Variants in FZD3 observed in about 807,000 individuals in gnomAD.
The protein encoded by FZD3 is frizzled-3.
A neutral mutation model predicts 60.7 loss-of-function variants in FZD3; 30 were observed. The observed-to-expected ratio is 0.49, with a 90% confidence interval of 0.37 to 0.67. The LOEUF (loss-of-function observed/expected upper bound fraction) is 0.67. Among genes scored for constraint, FZD3 ranks in the 30% least tolerant of loss-of-function variants. The pLI is 0.00. For synonymous variants in FZD3, 246 were observed against 275.2 expected, an observed-to-expected ratio of 0.89 and a Z score of 1.05; for missense variants, 605 against 838.7, an observed-to-expected ratio of 0.72 and a Z score of 3.44.
intron 6 of FZD3, among the ~76,000 whole-genome samples, chr8:28,553,554 GTTTTC>G (rs2130461193): frequency 6.6e-6 from 1 of 152,312 alleles, no homozygotes; most frequent in East Asian, 1.9e-4. Context: ...TAAAACTGAA[GTTTTC>G]CTTATAGAGA....
chr8:28,501,770 ATTTTTCCTGTGACTTTTT>A (rs1804000499), intron 2 of FZD3, among the ~76,000 whole-genome samples: 1 of 152,042 alleles, frequency 6.6e-6, no homozygotes, highest in Non-Finnish European at 1.5e-5. Context: ...AATTATTCTT[ATTTTTCCTGTGACTTTTT>A]AGGGATGATT....
intron 3 of FZD3, among the ~76,000 whole-genome samples, chr8:28,507,529 G>A (rs1226973513): frequency 1.3e-5 from 2 of 152,152 alleles, no homozygotes; most frequent in African/African-American, 4.8e-5. Flanking sequence ...TAGACCAATA[G>A]TTTTGTTAGG....
intron 7 of FZD3, among the ~76,000 whole-genome samples, chr8:28,557,712 C>T (rs1805537612): frequency 6.6e-6 from 1 of 152,180 alleles, no homozygotes; most frequent in African/African-American, 2.4e-5. Context: ...CCTGCCTGAA[C>T]TGTACCCTCT....
chr8:28,544,852 A>G (rs757563060), intron 5 of FZD3, among the ~76,000 whole-genome samples: 10 of 152,184 alleles, frequency 6.6e-5, no homozygotes, highest in Admixed American at 1.3e-4. Flanking sequence ...TCTTACAGTT[A>G]TGGAGGCTAA....
intron 5 of FZD3, among the ~76,000 whole-genome samples, chr8:28,535,320 T>A (rs1804981371): frequency 6.6e-6 from 1 of 152,218 alleles, no homozygotes. Flanking sequence ...CCATATGCCT[T>A]GTACCAGTTT....
chr8:28,539,711 AT>A (rs1464697820), intron 5 of FZD3, among the ~76,000 whole-genome samples: 1 of 152,228 alleles, frequency 6.6e-6, no homozygotes, highest in Non-Finnish European at 1.5e-5. Context: ...ATTTAAAAAA[AT>A]AAAAGCAAAC....
At chr8:28,520,918 A>G (rs978204616) in intron 4 of FZD3, 84 bp downstream of exon 4, 18 of 1,002,532 alleles carry the variant, frequency 1.8e-5, no homozygotes, top group Non-Finnish European at 2.5e-5. Context: ...ATCTGTTTTA[A>G]AAAACTTTTT....
At chr8:28,556,340 A>G (rs891589565) in intron 7 of FZD3, among the ~76,000 whole-genome samples, 7 of 152,224 alleles carry the variant, frequency 4.6e-5, no homozygotes, top group Admixed American at 6.5e-5. Context: ...CTCACAGTCT[A>G]TTTAGAAAGA....
chr8:28,510,004 G>T (rs1804241986), intron 3 of FZD3, among the ~76,000 whole-genome samples: 1 of 152,190 alleles, frequency 6.6e-6, no homozygotes, highest in Non-Finnish European at 1.5e-5. Context: ...TTGAAGAACT[G>T]TCAAAGTGTT....
intron 3 of FZD3, among the ~76,000 whole-genome samples, chr8:28,514,399 T>C (rs1046460602): frequency 3.3e-5 from 5 of 152,230 alleles, no homozygotes; most frequent in Admixed American, 2.0e-4. Context: ...TATTGAGATA[T>C]AATGTGAGTA....
intron 3 of FZD3, among the ~76,000 whole-genome samples, chr8:28,512,629 C>T (rs1013978262): frequency 6.6e-6 from 1 of 151,658 alleles, no homozygotes; most frequent in Non-Finnish European, 1.5e-5. Context: ...CTTTTTTGCT[C>T]AGCTCCTGGT....
rs1039220267 is a variant in FZD3 at position 28,572,253 on chromosome 8, A to G, written c.*9242A>G. 1 of 152,178 alleles carries G rather than the reference A, an allele frequency of 6.6e-6. No individual in the cohort carries two copies. The highest frequency in any genetic ancestry group is 1.5e-5 in the Non-Finnish European group (1 of 68,024). The allele number at this position is 152,178 out of a possible 1,614,324, so 9.4% of individuals were successfully genotyped here. ...AAATTGCTGGTTTTATTGGTCAAAA[A>G]TGATCAGATGCTAGCAATTTCATAA... is the stretch of plus-strand genomic sequence containing the variant. On this transcript the variant is annotated 3_prime_UTR_variant, in exon 8 of 8. Coordinates refer to ENST00000240093, the MANE Select transcript of FZD3 (RefSeq NM_017412.4).
intron 5 of FZD3, among the ~76,000 whole-genome samples, chr8:28,540,806 G>A (rs867746712): frequency 2.0e-4 from 31 of 152,078 alleles, no homozygotes; most frequent in African/African-American, 6.0e-4. Context: ...TTAGCTGGGC[G>A]TGGTGGCGGG....
At chr8:28,541,613 C>G (rs1459030784) in intron 5 of FZD3, among the ~76,000 whole-genome samples, 1 of 152,166 alleles carries the variant, frequency 6.6e-6, no homozygotes, top group Admixed American at 6.5e-5. Flanking sequence ...TAATCTTATC[C>G]AGTCCCATGT....
chr8:28,522,140 T>C (rs1248705012), intron 4 of FZD3, among the ~76,000 whole-genome samples: 1 of 150,834 alleles, frequency 6.6e-6, no homozygotes, highest in Non-Finnish European at 1.5e-5. Context: ...AATCTCACTG[T>C]GTCCCCTAGG....
chr8:28,533,441 T>A (rs1804930338), intron 5 of FZD3, among the ~76,000 whole-genome samples: 2 of 152,214 alleles, frequency 1.3e-5, no homozygotes, highest in African/African-American at 4.8e-5. Flanking sequence ...GCTTAACTCA[T>A]TTATTGTCAA....
At chr8:28,540,557 G>A (rs748980521) in intron 5 of FZD3, among the ~76,000 whole-genome samples, 9 of 152,106 alleles carry the variant, frequency 5.9e-5, no homozygotes, top group Non-Finnish European at 8.8e-5. Flanking sequence ...GGAATATAAC[G>A]TTTTCAGGAA....
At chr8:28,557,183 T>A (rs1440837779) in intron 7 of FZD3, among the ~76,000 whole-genome samples, 1 of 136,080 alleles carries the variant, frequency 7.3e-6, no homozygotes, top group Non-Finnish European at 1.5e-5. Flanking sequence ...CACTCCAGCC[T>A]GGGCAACAAG....
intron 4 of FZD3, among the ~76,000 whole-genome samples, chr8:28,525,255 T>C (rs767684983): frequency 3.9e-5 from 6 of 152,326 alleles, no homozygotes; most frequent in African/African-American, 9.6e-5. Flanking sequence ...CCTGTTCTTA[T>C]GGAGTGAAAA....
Sources: allele counts gnomAD v4.1 joint callset (sites outside exome capture counted in the v4.1 genomes callset), GRCh38; gene constraint gnomAD v4.1.1; transcripts MANE v1.5; gene names NCBI Gene and HGNC (gene_info 2026-07-23, HGNC 2026-07-21).